Variants in GRID2 observed in about 807,000 individuals in gnomAD.
The protein encoded by GRID2 is glutamate receptor ionotropic, delta-2.
Under a neutral mutation model 114.8 loss-of-function variants are expected in GRID2, and 33 were observed. That is an observed-to-expected ratio of 0.29 (90% CI 0.22 to 0.38). The LOEUF is 0.38. Among genes scored for constraint, GRID2 ranks in the 10% least tolerant of loss-of-function variants. The probability of loss-of-function intolerance (pLI) is 1.00; values close to 1 mark genes in which losing one functional copy is unlikely to be tolerated. For synonymous variants in GRID2, 505 were observed against 449.9 expected (o/e 1.12, Z -1.55); for missense variants, 1,184 against 1,257.7 (o/e 0.94, Z 0.89).
intron 13 of GRID2, among the ~76,000 whole-genome samples, chr4:93,617,171 G>A (rs1165587574): frequency 6.6e-6 from 1 of 152,058 alleles, no homozygotes; most frequent in Admixed American, 6.6e-5. Context: ...AGGCCAACAC[G>A]TCTGTTAGCA....
intron 1 of GRID2, among the ~76,000 whole-genome samples, chr4:92,525,628 C>T (rs1345314796): frequency 6.6e-6 from 1 of 152,068 alleles, no homozygotes; most frequent in South Asian, 2.1e-4. Context: ...CTCCCTCTAC[C>T]TCCTGACACT....
intron 2 of GRID2, among the ~76,000 whole-genome samples, chr4:92,750,276 T>G (rs756630269): frequency 1.3e-5 from 2 of 152,204 alleles, no homozygotes; most frequent in Non-Finnish European, 2.9e-5. Flanking sequence ...TACTATCTCA[T>G]TCAGCTAGAA....
intron 2 of GRID2, among the ~76,000 whole-genome samples, chr4:93,006,054 T>C (rs1055721055): frequency 2.0e-5 from 3 of 152,086 alleles, no homozygotes; most frequent in Non-Finnish European, 4.4e-5. Context: ...AGCATTTCTT[T>C]AAAGTAGCGT....
At chr4:93,567,193 T>C (rs1735507297) in intron 13 of GRID2, among the ~76,000 whole-genome samples, 1 of 152,234 alleles carries the variant, frequency 6.6e-6, no homozygotes, top group Admixed American at 6.5e-5. Context: ...TGATTATTTT[T>C]CCAGCAATAA....
chr4:92,632,168 T>C (rs1730840044), intron 2 of GRID2, among the ~76,000 whole-genome samples: 1 of 152,192 alleles, frequency 6.6e-6, no homozygotes, highest in Admixed American at 6.5e-5. Context: ...AAAATTTATA[T>C]CTTTTAGCAT....
At chr4:93,518,000 TATATGTATGTATATACATAC>T (rs1729948763) in intron 13 of GRID2, among the ~76,000 whole-genome samples, 1 of 17,692 alleles carries the variant, frequency 5.7e-5, no homozygotes, top group Admixed American at 3.6e-4. Flanking sequence ...TACATACATG[TATATGTATGTATATACATAC>T]ATGTACATGT....
chr4:93,645,387 A>G (rs1263708908), intron 14 of GRID2, among the ~76,000 whole-genome samples: 1 of 152,294 alleles, frequency 6.6e-6, no homozygotes, highest in Admixed American at 6.5e-5. Flanking sequence ...AATATGACAA[A>G]GAAATGACAA....
chr4:93,285,568 A>G (rs1417781832), intron 8 of GRID2, among the ~76,000 whole-genome samples: 2 of 152,180 alleles, frequency 1.3e-5, no homozygotes, highest in African/African-American at 4.8e-5. Context: ...TGTTTAAAAC[A>G]TAGATGATTA....
chr4:93,218,287 C>A (rs970155560), intron 6 of GRID2, among the ~76,000 whole-genome samples: 1 of 151,846 alleles, frequency 6.6e-6, no homozygotes, highest in Non-Finnish European at 1.5e-5. Flanking sequence ...ATCACTTGAA[C>A]CCAGAAGTTT....
intron 3 of GRID2, among the ~76,000 whole-genome samples, chr4:93,109,174 C>T (rs1354945086): frequency 6.6e-6 from 1 of 152,152 alleles, no homozygotes; most frequent in Non-Finnish European, 1.5e-5. Flanking sequence ...TGAATGAATA[C>T]ATAACACCTT....
At chr4:93,167,878 G>C (rs891908824) in intron 4 of GRID2, among the ~76,000 whole-genome samples, 6 of 151,968 alleles carry the variant, frequency 3.9e-5, no homozygotes, top group Non-Finnish European at 7.4e-5. Context: ...ACTTAGGGTG[G>C]TGGTGGTGAG....
chr4:93,570,722 G>A (rs573118140), intron 13 of GRID2, among the ~76,000 whole-genome samples: 4 of 152,062 alleles, frequency 2.6e-5, no homozygotes, highest in African/African-American at 9.7e-5. Flanking sequence ...AAGCAATAAA[G>A]TATATGTTGA....
intron 4 of GRID2, among the ~76,000 whole-genome samples, chr4:93,182,930 G>A (rs751434390): frequency 6.6e-5 from 10 of 152,202 alleles, no homozygotes; most frequent in Non-Finnish European, 1.3e-4. Context: ...AGAAGTTCTG[G>A]GAGTGGCGCC....
intron 14 of GRID2, among the ~76,000 whole-genome samples, chr4:93,711,969 A>G (rs1225806894): frequency 1.3e-5 from 2 of 152,132 alleles, no homozygotes; most frequent in African/African-American, 2.4e-5. Context: ...CTATTCAGCC[A>G]TCTTGCTCTG....
At chr4:92,872,883 T>C (rs1745373377) in intron 2 of GRID2, among the ~76,000 whole-genome samples, 2 of 152,182 alleles carry the variant, frequency 1.3e-5, no homozygotes, top group South Asian at 4.1e-4. Context: ...TTTGAAATAA[T>C]GCGGTAATTT....
At chr4:92,717,073 T>C (rs996271824) in intron 2 of GRID2, among the ~76,000 whole-genome samples, 3 of 152,016 alleles carry the variant, frequency 2.0e-5, no homozygotes, top group Admixed American at 1.3e-4. Flanking sequence ...ATGTCTGGAG[T>C]GCAATGACCA....
At chr4:93,647,991 A>G (rs1265951188) in intron 14 of GRID2, among the ~76,000 whole-genome samples, 1 of 152,200 alleles carries the variant, frequency 6.6e-6, no homozygotes, top group Non-Finnish European at 1.5e-5. Flanking sequence ...GGACACTGAC[A>G]CATAGAGTAG....
chr4:93,560,222 TAAAA>T (rs70942974), intron 13 of GRID2, among the ~76,000 whole-genome samples: 1,427 of 42,802 alleles, frequency 0.033, 6 homozygotes, highest in African/African-American at 0.11. Context: ...GAACTTAAAG[TAAAA>T]AAAAAAAAAA....
intron 2 of GRID2, among the ~76,000 whole-genome samples, chr4:92,803,081 CTT>C (rs975975808): frequency 1.3e-5 from 2 of 151,772 alleles, no homozygotes; most frequent in African/African-American, 4.8e-5. Flanking sequence ...TTTTTGGAGA[CTT>C]TGTTTTTCTC....
Sources: gnomAD v4.1 joint callset for allele counts (sites outside exome capture counted in the v4.1 genomes callset) on GRCh38, gnomAD v4.1.1 for gene constraint, MANE v1.5 for transcripts, NCBI Gene and HGNC (gene_info 2026-07-23, HGNC 2026-07-21) for gene names.